KCNMA1: variants seen among roughly 807,000 people sequenced by gnomAD.
KCNMA1 encodes Calcium-activated potassium channel subunit alpha-1.
In KCNMA1, 29 loss-of-function variants were observed where a neutral mutation model predicts 140.0. That is an observed-to-expected ratio of 0.21 (90% CI 0.15 to 0.28). The LOEUF (loss-of-function observed/expected upper bound fraction) is 0.28. KCNMA1 is among the 10% of genes least tolerant of loss of function. The pLI, the probability that KCNMA1 is intolerant of heterozygous loss-of-function variation, is 1.00. For missense variants in KCNMA1, 880 were observed against 1,602.2 expected, an observed-to-expected ratio of 0.55 and a Z score of 7.70; for synonymous variants, 612 against 611.9, an observed-to-expected ratio of 1.00 and a Z score of 0.00.
rs1565268919 is a variant in KCNMA1 at position 76,970,016 on chromosome 10, C to T, written c.2318G>A (p.Gly773Glu). Residue 773 changes from glycine (G) to glutamate (E), a missense_variant, in exon 20 of 28, where the codon GGA (glycine) becomes GAA (glutamate). Gly to Glu is a moderately conservative substitution (Grantham distance 98, BLOSUM62 -2). Coordinates refer to ENST00000286628, the MANE Select transcript of KCNMA1 (RefSeq NM_001161352.2). ...GGTGTTGGGTGAGTTCCGCATGCCTCCATTCCGTTGCTTTTTTTTTGGTGA... is the reference window on the plus strand; with the variant it reads ...GGTGTTGGGTGAGTTCCGCATGCCTTCATTCCGTTGCTTTTTTTTTGGTGA... ...TLSPKKKQRN[G>E]GMRNSPNTSP... 9 of 1,614,078 alleles carry T rather than the reference C, an allele frequency of 5.6e-6. No homozygotes were observed. Among genetic ancestry groups the T allele is most frequent in the Non-Finnish European group, 6.8e-6 (8 of 1,179,980 alleles).
At chr10:76,977,839 G>C in intron 19 of KCNMA1, 1 of 567,972 alleles carries the variant, frequency 1.8e-6, no homozygotes, top group Admixed American at 3.0e-5. Flanking sequence ...AGCTAAGTTA[G>C]ATTCATCCAC....
At chr10:77,328,952 T>C (rs1202692236) in intron 2 of KCNMA1, among the ~76,000 whole-genome samples, 1 of 152,120 alleles carries the variant, frequency 6.6e-6, no homozygotes, top group African/African-American at 2.4e-5. Flanking sequence ...GCCATTCTCC[T>C]GCCTCAGCCT....
rs141489218 is a variant in KCNMA1, at chr10:77,480,227, C to T, written c.379-76204G>A. 1.4e-3 allele frequency among the ~76,000 whole-genome samples: 220 copies of T among 152,350 alleles called. 3 individuals are homozygous for T. The highest frequency in any genetic ancestry group is 5.0e-3 in the African/African-American group (208 of 41,594). ...GACATCAGGATGTGTCCTTCACTTG[C>T]CACCAGACCTGAGCTGGCTACAGGC... On this transcript the variant is annotated intron_variant, in intron 1 of 27. Transcript: ENST00000286628.
chr10:77,272,369 A>C (rs1038290550), intron 2 of KCNMA1, among the ~76,000 whole-genome samples: 1 of 152,168 alleles, frequency 6.6e-6, no homozygotes, highest in South Asian at 2.1e-4. Flanking sequence ...AGCACTTTCC[A>C]TCTTTCATAT....
intron 1 of KCNMA1, among the ~76,000 whole-genome samples, chr10:77,485,535 A>G (rs549211810): frequency 6.6e-6 from 1 of 152,344 alleles, no homozygotes; most frequent in East Asian, 1.9e-4. Context: ...TGACCCTCCA[A>G]GACTTGCCCA....
chr10:77,109,473 C>T (rs2097268541), intron 8 of KCNMA1, among the ~76,000 whole-genome samples: 1 of 152,072 alleles, frequency 6.6e-6, no homozygotes, highest in Non-Finnish European at 1.5e-5. Flanking sequence ...AACGTGTGGC[C>T]AGAAATCCCC....
intron 2 of KCNMA1, among the ~76,000 whole-genome samples, chr10:77,262,789 G>T (rs1226069979): frequency 6.6e-6 from 1 of 152,016 alleles, no homozygotes; most frequent in African/African-American, 2.4e-5. Context: ...CAGAAGCCAA[G>T]CAGAAGTGGG....
intron 9 of KCNMA1, among the ~76,000 whole-genome samples, chr10:77,103,145 T>C (rs185058529): frequency 2.5e-4 from 38 of 152,360 alleles, no homozygotes; most frequent in South Asian, 8.3e-4. Context: ...TATGGAATCC[T>C]CTTTAAAATA....
intron 1 of KCNMA1, among the ~76,000 whole-genome samples, chr10:77,412,166 C>A (rs2096634256): frequency 6.6e-6 from 1 of 152,184 alleles, no homozygotes; most frequent in African/African-American, 2.4e-5. Flanking sequence ...TTCTGCCCAG[C>A]ACCCTGGAAC....
At chr10:76,907,113 T>G (rs982401821) in intron 25 of KCNMA1, among the ~76,000 whole-genome samples, 1 of 152,192 alleles carries the variant, frequency 6.6e-6, no homozygotes, top group Admixed American at 6.5e-5. Context: ...CTCCTGATGA[T>G]AAATACAATG....
chr10:77,083,339 G>C (rs2096621689), intron 12 of KCNMA1, among the ~76,000 whole-genome samples: 1 of 152,020 alleles, frequency 6.6e-6, no homozygotes, highest in Admixed American at 6.6e-5. Flanking sequence ...GTGACTACTG[G>C]GTTTATGCAA....
chr10:77,419,077 T>C (rs2096808446), intron 1 of KCNMA1, among the ~76,000 whole-genome samples: 1 of 152,062 alleles, frequency 6.6e-6, no homozygotes, highest in Non-Finnish European at 1.5e-5. Context: ...AGACCCACAA[T>C]CTCCCCTGGA....
intron 5 of KCNMA1, among the ~76,000 whole-genome samples, chr10:77,167,517 T>C (rs556685125): frequency 5.3e-5 from 8 of 152,222 alleles, no homozygotes; most frequent in African/African-American, 1.9e-4. Context: ...AGCTGGCACA[T>C]TACACTTGTT....
intron 5 of KCNMA1, among the ~76,000 whole-genome samples, chr10:77,153,809 C>A (rs1342071151): frequency 6.6e-6 from 1 of 152,160 alleles, no homozygotes; most frequent in Non-Finnish European, 1.5e-5. Context: ...AGGTGTTGCA[C>A]CCTGCCCAAA....
chr10:77,126,725 ACC>A (rs67566528), intron 5 of KCNMA1, among the ~76,000 whole-genome samples: 86,219 of 124,538 alleles, frequency 0.69, 26,160 homozygotes, highest in East Asian at 0.8. Context: ...CCACCCCCCC[ACC>A]CCCCCCCCAC....
intron 15 of KCNMA1, among the ~76,000 whole-genome samples, chr10:77,035,323 A>C (rs754240953): frequency 5.3e-5 from 8 of 152,038 alleles, no homozygotes; most frequent in Non-Finnish European, 1.0e-4. Flanking sequence ...TCCAGGAAGA[A>C]CCCCCATGTC....
intron 5 of KCNMA1, among the ~76,000 whole-genome samples, chr10:77,181,025 G>C (rs2098798613): frequency 1.3e-5 from 2 of 152,070 alleles, no homozygotes; most frequent in African/African-American, 2.4e-5. Flanking sequence ...CAAGGAAGCT[G>C]GGCTCCACAC....
At chr10:76,924,542 A>C (rs2057084201) in intron 23 of KCNMA1, among the ~76,000 whole-genome samples, 1 of 152,184 alleles carries the variant, frequency 6.6e-6, no homozygotes, top group Admixed American at 6.5e-5. Flanking sequence ...GAAATCTCGA[A>C]ACCTCATGTG....
At chr10:77,556,461 C>T (rs909531438) in intron 1 of KCNMA1, among the ~76,000 whole-genome samples, 5 of 133,468 alleles carry the variant, frequency 3.7e-5, no homozygotes, top group Admixed American at 8.5e-5. Context: ...GCCGAGATCA[C>T]ACCACTGCAC....
Sources: allele counts gnomAD v4.1 joint callset (sites outside exome capture counted in the v4.1 genomes callset), GRCh38; gene constraint gnomAD v4.1.1; transcripts MANE v1.5; gene names NCBI Gene and HGNC (gene_info 2026-07-23, HGNC 2026-07-21).